Variants in FGGY observed in about 807,000 individuals in gnomAD.
The protein encoded by FGGY is FGGY carbohydrate kinase domain containing, also known as FGGY carbohydrate kinase domain-containing protein.
Under a neutral mutation model 71.3 loss-of-function variants are expected in FGGY, and 72 were observed. That is an observed-to-expected ratio of 1.01 (90% CI 0.84 to 1.23). The LOEUF (loss-of-function observed/expected upper bound fraction) is 1.23. Ranked by LOEUF, FGGY falls within the 50% of genes most tolerant of loss-of-function variation. The pLI, the probability that FGGY is intolerant of heterozygous loss-of-function variation, is 0.00. For missense variants in FGGY, 668 were observed against 682.3 expected (o/e 0.98, Z 0.23); for synonymous variants, 251 against 250.3 (o/e 1.00, Z -0.02).
intron 4 of FGGY, among the ~76,000 whole-genome samples, chr1:59,356,860 A>C (rs987926048): frequency 1.3e-5 from 2 of 152,184 alleles, no homozygotes; most frequent in African/African-American, 4.8e-5. Context: ...AAGGCTCTAG[A>C]CTGAGACAGT....
intron 8 of FGGY, among the ~76,000 whole-genome samples, chr1:59,594,373 T>G (rs994920914): frequency 6.6e-6 from 1 of 152,246 alleles, no homozygotes; most frequent in Non-Finnish European, 1.5e-5. Context: ...GTAGGGTTTG[T>G]CTAACATTGC....
At chr1:59,509,315 T>C (rs932631946) in intron 6 of FGGY, among the ~76,000 whole-genome samples, 8 of 152,314 alleles carry the variant, frequency 5.3e-5, no homozygotes, top group South Asian at 2.1e-4. Context: ...TCTCTCTCTT[T>C]CTTTGATTAC....
At position 59,398,219 on chromosome 1, in the gene FGGY, G is replaced by A. The variant is rs550314508; in HGVS notation, c.554+19382G>A. ...CTACAGTCAATTTTGTCTAATTATT[G>A]TTGATCATGATTTTACTGTAAAAAA... On this transcript the variant is annotated intron_variant, in intron 5 of 15. Transcript: ENST00000303721. Among the ~76,000 whole-genome samples the A allele has an allele frequency of 2.0e-5, 3 of 152,020 alleles. No individual in the cohort carries two copies. In the East Asian group the frequency reaches 5.8e-4, roughly 29 times the overall value.
At chr1:59,321,813 A>C in intron 2 of FGGY, 63 bp downstream of exon 2, 2 of 1,507,716 alleles carry the variant, frequency 1.3e-6, no homozygotes, top group Non-Finnish European at 1.8e-6. Flanking sequence ...TCGTGTGTCA[A>C]TCTGGTGCCG....
At chr1:59,461,275 C>T (rs889002641) in intron 6 of FGGY, among the ~76,000 whole-genome samples, 1 of 152,062 alleles carries the variant, frequency 6.6e-6, no homozygotes, top group Non-Finnish European at 1.5e-5. Flanking sequence ...GTGACACATG[C>T]GCAAGCTTCA....
At position 59,536,637 on chromosome 1, in the gene FGGY, T is replaced by C. The variant is rs563620236; in HGVS notation, c.800-17487T>C. ...ATCAAAAAGCTTATCCAGCAGCACA[T>C]CAAAAAGCTTATCCACCATGATCAA... On this transcript the variant is annotated intron_variant, in intron 7 of 15. Coordinates refer to ENST00000303721, the MANE Select transcript of FGGY (RefSeq NM_018291.5). Among the ~76,000 whole-genome samples, 527 of 152,144 alleles carry C rather than the reference T, an allele frequency of 3.5e-3. 2 individuals carry two copies. Among genetic ancestry groups the C allele is most frequent in the African/African-American group, 0.012 (502 of 41,508 alleles).
intron 2 of FGGY, among the ~76,000 whole-genome samples, chr1:59,337,758 C>T (rs1286487357): frequency 6.6e-6 from 1 of 152,022 alleles, no homozygotes; most frequent in African/African-American, 2.4e-5. Context: ...ATTTTTTTAG[C>T]TTGTAGATTC....
chr1:59,370,336 C>G (rs376368967), intron 4 of FGGY, among the ~76,000 whole-genome samples: 1 of 151,804 alleles, frequency 6.6e-6, no homozygotes, highest in East Asian at 1.9e-4. Context: ...TGAAATGAAG[C>G]GAGAAGGGAA....
intron 8 of FGGY, among the ~76,000 whole-genome samples, chr1:59,578,211 A>G (rs2096119025): frequency 6.6e-6 from 1 of 152,146 alleles, no homozygotes; most frequent in African/African-American, 2.4e-5. Context: ...AATCCCATCC[A>G]TAAGGTTCAA....
chr1:59,330,863 G>A (rs924147661), intron 2 of FGGY, among the ~76,000 whole-genome samples: 1 of 152,164 alleles, frequency 6.6e-6, no homozygotes, highest in African/African-American at 2.4e-5. Flanking sequence ...ATCATCCTGA[G>A]TTTGAGATTG....
chr1:59,748,420 A>G (rs572665406), intron 14 of FGGY, among the ~76,000 whole-genome samples: 4 of 152,210 alleles, frequency 2.6e-5, no homozygotes, highest in Non-Finnish European at 4.4e-5. Context: ...AACCTAAATC[A>G]TATGGAAAAA....
At chr1:59,345,117 G>C (rs1313944530) in intron 3 of FGGY, among the ~76,000 whole-genome samples, 1 of 152,192 alleles carries the variant, frequency 6.6e-6, no homozygotes, top group African/African-American at 2.4e-5. Context: ...GGGTTGTTTT[G>C]AGGATTAAAT....
At position 59,647,761 on chromosome 1, in the gene FGGY, T is replaced by A. The variant is rs56132990; in HGVS notation, c.1221+9386T>A. Among the ~76,000 whole-genome samples the A allele has an allele frequency of 3.2e-3, 488 of 150,330 alleles. 3 individuals carry two copies. Among genetic ancestry groups the A allele is most frequent in the African/African-American group, 0.011 (466 of 40,938 alleles). ...ACCATCTTTTTTTTTTTTTTTTTTTTTTATACTTTAAGTTTTAGGGTACAT... is the reference window on the plus strand; with the variant it reads ...ACCATCTTTTTTTTTTTTTTTTTTTATTATACTTTAAGTTTTAGGGTACAT... On this transcript the variant is annotated intron_variant, in intron 11 of 15. Coordinates refer to ENST00000303721, the MANE Select transcript of FGGY (RefSeq NM_018291.5).
At chr1:59,426,872 A>G (rs945010300) in intron 5 of FGGY, among the ~76,000 whole-genome samples, 1 of 149,908 alleles carries the variant, frequency 6.7e-6, no homozygotes, top group Non-Finnish European at 1.5e-5. Flanking sequence ...AAAAAAAAAA[A>G]ACTGGTTGCC....
intron 4 of FGGY, among the ~76,000 whole-genome samples, chr1:59,377,617 C>T (rs546170437): frequency 5.3e-4 from 80 of 151,798 alleles, no homozygotes; most frequent in Admixed American, 2.4e-3. Flanking sequence ...ACCATATCAA[C>T]ATTACACAAA....
intron 1 of FGGY, among the ~76,000 whole-genome samples, chr1:59,309,857 C>T (rs898768380): frequency 2.0e-5 from 3 of 151,642 alleles, no homozygotes; most frequent in African/African-American, 7.3e-5. Context: ...GTGTGTGCCT[C>T]TAATCCCAGC....
At chr1:59,477,387 G>A (rs961684460) in intron 6 of FGGY, among the ~76,000 whole-genome samples, 14 of 152,168 alleles carry the variant, frequency 9.2e-5, no homozygotes, top group South Asian at 4.2e-4. Context: ...GAGGGCTGCA[G>A]TGGTCAGGGT....
intron 5 of FGGY, among the ~76,000 whole-genome samples, chr1:59,441,921 C>T (rs57640469): frequency 0.021 from 3,226 of 152,288 alleles, 125 homozygotes; most frequent in African/African-American, 0.075. Context: ...AATGTATCCT[C>T]TACAACCTTT....
chr1:59,617,117 A>G (rs2096763433), intron 9 of FGGY, among the ~76,000 whole-genome samples: 1 of 152,138 alleles, frequency 6.6e-6, no homozygotes, highest in African/African-American at 2.4e-5. Flanking sequence ...CATCTTCTCT[A>G]ATAAGCCACA....
Sources: gnomAD v4.1 joint callset for allele counts (sites outside exome capture counted in the v4.1 genomes callset) on GRCh38, gnomAD v4.1.1 for gene constraint, MANE v1.5 for transcripts, NCBI Gene and HGNC (gene_info 2026-07-23, HGNC 2026-07-21) for gene names.